Variants in SLC6A16 observed in about 807,000 individuals in gnomAD.
The protein encoded by SLC6A16 is orphan sodium- and chloride-dependent neurotransmitter transporter NTT5.
SLC6A16 carries 54 observed loss-of-function variants against 65.4 expected under a neutral mutation model. That is an observed-to-expected ratio of 0.83 (90% confidence interval 0.66 to 1.04). The LOEUF is 1.04. SLC6A16 is among the 50% of genes least tolerant of loss of function. The probability of loss-of-function intolerance (pLI) is 0.00; values close to 1 mark genes in which losing one functional copy is unlikely to be tolerated. For missense variants in SLC6A16, 816 were observed against 914.0 expected, an observed-to-expected ratio of 0.89 and a Z score of 1.38; for synonymous variants, 330 against 346.5, an observed-to-expected ratio of 0.95 and a Z score of 0.53.
chr19:49,308,386 GA>G (rs1184597570), intron 7 of SLC6A16, among the ~76,000 whole-genome samples: 1 of 152,174 alleles, frequency 6.6e-6, no homozygotes, highest in East Asian at 1.9e-4. Flanking sequence ...CCAGGAGGCA[GA>G]GCTTGCAGTG....
chr19:49,295,124 C>A (rs1970161174), intron 7 of SLC6A16, among the ~76,000 whole-genome samples: 1 of 152,114 alleles, frequency 6.6e-6, no homozygotes, highest in Admixed American at 6.6e-5. Context: ...ACCCCCACCA[C>A]CATTCTTCAC....
chr19:49,294,293 A>G (rs1234420199), intron 8 of SLC6A16, 74 bp downstream of exon 8: 1 of 1,455,840 alleles, frequency 6.9e-7, no homozygotes, highest in East Asian at 2.4e-5. Context: ...GCTGGTGCTA[A>G]TAAAAGCTAA....
chr19:49,297,296 G>A (rs761638094), intron 7 of SLC6A16, among the ~76,000 whole-genome samples: 9 of 152,146 alleles, frequency 5.9e-5, no homozygotes, highest in Non-Finnish European at 8.8e-5. Flanking sequence ...GACAAGCTCT[G>A]TAAAAGGCCA....
In SLC6A16 at chr19:49,309,119, TAA is replaced by T; in HGVS notation, c.988-4_988-3del. The T allele has an allele frequency of 6.2e-7, 1 of 1,613,746 alleles. No individual in the cohort carries two copies. Among genetic ancestry groups the T allele is most frequent in the Non-Finnish European group, 8.5e-7 (1 of 1,179,778 alleles). ...ACTCATATTGTACACATCCGATATC[TAA>T]AAGAGAGAAGACAAGCATAAGGGGG... is the stretch of plus-strand genomic sequence containing the variant. On this transcript the variant is annotated splice_polypyrimidine_tract_variant and splice_region_variant and intron_variant, in intron 6 of 11. Transcript: ENST00000335875.
intron 1 of SLC6A16, chr19:49,312,630 T>C (rs893359184): frequency 9.1e-5 from 85 of 934,930 alleles, no homozygotes; most frequent in Non-Finnish European, 1.1e-4. Context: ...AAAAGTTACA[T>C]GAAAGAGAGG....
the SLC6A16 span, chr19:49,332,176 G>C: frequency 2.2e-6 from 1 of 456,540 alleles, no homozygotes; most frequent in Admixed American, 2.4e-5. Flanking sequence ...GAGTTCCTTG[G>C]CTTGTGGCTG....
chr19:49,325,660 T>C (rs558433380), upstream of SLC6A16, among the ~76,000 whole-genome samples: 67 of 152,248 alleles, frequency 4.4e-4, no homozygotes, highest in South Asian at 0.013. Context: ...AACTCAAAGA[T>C]TTACTTAGGT....
chr19:49,338,732 C>G, the SLC6A16 span: 1 of 1,612,972 alleles, frequency 6.2e-7, no homozygotes, highest in Non-Finnish European at 8.5e-7. This position sits in a 1 kb window ranked among gnomAD's most constrained non-coding sequence, Gnocchi z 5.0. Context: ...ACCCGCAGGA[C>G]TGGTTCCAAG....
intron 7 of SLC6A16, among the ~76,000 whole-genome samples, chr19:49,308,427 T>C (rs1341414443): frequency 6.6e-6 from 1 of 152,102 alleles, no homozygotes; most frequent in Non-Finnish European, 1.5e-5. Flanking sequence ...CACTCCAGCC[T>C]GGGTGAAAGA....
upstream of SLC6A16, among the ~76,000 whole-genome samples, chr19:49,327,090 T>G (rs1970806812): frequency 6.6e-6 from 1 of 151,912 alleles, no homozygotes; most frequent in Non-Finnish European, 1.5e-5. Flanking sequence ...TTTTTTTTTT[T>G]TTTGAGACAA....
rs75715166 is a variant in SLC6A16 at position 49,294,938 on chromosome 19, C to T, written c.1230-385G>A. Among the ~76,000 whole-genome samples the T allele has an allele frequency of 7.9e-3, 1,198 of 152,200 alleles. 22 individuals carry two copies. Among genetic ancestry groups the T allele is most frequent in the African/African-American group, 0.026 (1,091 of 41,526 alleles). ...AGCACACAGACTATGATCATAATGT[C>T]CCATGGAGTCGTGCTGTGTGGCAGC... On this transcript the variant is annotated intron_variant, in intron 7 of 11. Coordinates refer to ENST00000335875, the MANE Select transcript of SLC6A16 (RefSeq NM_014037.3).
chr19:49,335,946 C>T, the SLC6A16 span: 22 of 662,618 alleles, frequency 3.3e-5, no homozygotes, highest in South Asian at 6.9e-5. This position sits in a 1 kb window ranked among gnomAD's most constrained non-coding sequence, Gnocchi z 4.6. Context: ...AGTCTTCTTC[C>T]GGCAAATGGG....
intron 7 of SLC6A16, among the ~76,000 whole-genome samples, chr19:49,299,797 T>C (rs958243248): frequency 2.6e-5 from 4 of 151,622 alleles, no homozygotes; most frequent in African/African-American, 9.7e-5. Flanking sequence ...CCAAGGCAGG[T>C]GGATCACCTG....
At chr19:49,339,050 G>C in the SLC6A16 span, 77 of 909,924 alleles carry the variant, frequency 8.5e-5, no homozygotes, top group Admixed American at 4.1e-5. This position sits in a 1 kb window ranked among gnomAD's most constrained non-coding sequence, Gnocchi z 4.5. Context: ...AAAAGGAAAG[G>C]TACGGCAGGA....
chr19:49,339,751 G>A, the SLC6A16 span: 521 of 1,386,176 alleles, frequency 3.8e-4, 1 homozygote, highest in African/African-American at 7.0e-3. The surrounding 1 kb of genome is among the most constrained non-coding windows in gnomAD (Gnocchi z 4.5). Flanking sequence ...TTCGAGCCCC[G>A]GGCCCAGCCT....
intron 1 of SLC6A16, among the ~76,000 whole-genome samples, chr19:49,317,666 C>T (rs1372555156): frequency 6.6e-6 from 1 of 151,956 alleles, no homozygotes; most frequent in Non-Finnish European, 1.5e-5. Flanking sequence ...ATTAGCCGGG[C>T]ATGGTGGCGG....
chr19:49,307,426 A>G (rs976701572), intron 7 of SLC6A16, among the ~76,000 whole-genome samples: 2 of 152,026 alleles, frequency 1.3e-5, no homozygotes, highest in Non-Finnish European at 2.9e-5. Context: ...AGCACACCCT[A>G]CTCAGCAATT....
At chr19:49,332,217 A>G in the SLC6A16 span, 1 of 456,488 alleles carries the variant, frequency 2.2e-6, no homozygotes, top group African/African-American at 2.0e-5. Flanking sequence ...CTACCATCAC[A>G]TGGTGCTCTC....
chr19:49,309,581 A>G, intron 5 of SLC6A16, 70 bp downstream of exon 5: 1 of 1,460,570 alleles, frequency 6.8e-7, no homozygotes, highest in Non-Finnish European at 9.5e-7. Flanking sequence ...TTAGGAGATC[A>G]ACAAGTAACA....
Sources: allele counts gnomAD v4.1 joint callset (sites outside exome capture counted in the v4.1 genomes callset), GRCh38; gene constraint gnomAD v4.1.1; non-coding constraint Gnocchi (gnomAD v3.1); transcripts MANE v1.5; gene names NCBI Gene and HGNC (gene_info 2026-07-23, HGNC 2026-07-21).